Variants in NFAT5 observed in about 807,000 individuals in gnomAD.
NFAT5 encodes the protein nuclear factor of activated T cells 5, also known as nuclear factor of activated T-cells 5.
Under a neutral mutation model 166.5 loss-of-function variants are expected in NFAT5, and 31 were observed. The ratio of observed to expected loss-of-function variants is 0.19; its 90% CI spans 0.14 to 0.25. NFAT5 has a LOEUF of 0.25. Ranked by LOEUF, NFAT5 falls within the 10% of genes least tolerant of loss-of-function variation. The pLI is 1.00. For missense variants in NFAT5, 1,449 were observed against 1,821.8 expected (o/e 0.80, Z 3.72); for synonymous variants, 612 against 639.7 (o/e 0.96, Z 0.65).
chr16:69,661,775 A>C, intron 7 of NFAT5, among the ~76,000 whole-genome samples: 1 of 152,178 alleles, frequency 6.6e-6, no homozygotes, highest in Non-Finnish European at 1.5e-5. Context: ...GGAAAACTTC[A>C]TAGTTAATTC....
intron 2 of NFAT5, among the ~76,000 whole-genome samples, chr16:69,600,793 C>CT (rs2033093605): frequency 7.4e-6 from 1 of 135,522 alleles, no homozygotes; most frequent in African/African-American, 2.7e-5. Context: ...TCCTGAGCTA[C>CT]TTTGAGGAAG....
rs143933855 is a variant in NFAT5 at position 69,658,804 on chromosome 16, G to A, written c.1197-923G>A. On this transcript the variant is annotated intron_variant, in intron 6 of 14. Coordinates refer to ENST00000349945, the MANE Select transcript of NFAT5 (RefSeq NM_138713.4). ...GTAGCGCCATTGCGCTCAGGCCTGG[G>A]TGACAGAGCGAGACTCTGTCTCAAA... Among the ~76,000 whole-genome samples the A allele has an allele frequency of 6.6e-3, 1,000 of 152,188 alleles. 12 individuals are homozygous for A. The highest frequency in any genetic ancestry group is 0.022 in the African/African-American group (927 of 41,538).
At chr16:69,580,996 T>C (rs1381928084) in intron 2 of NFAT5, among the ~76,000 whole-genome samples, 1 of 152,184 alleles carries the variant, frequency 6.6e-6, no homozygotes, top group African/African-American at 2.4e-5. Context: ...TTATATTTCT[T>C]AAAAAAATTG....
At chr16:69,581,402 C>T (rs1567516056) in intron 2 of NFAT5, among the ~76,000 whole-genome samples, 2 of 152,128 alleles carry the variant, frequency 1.3e-5, no homozygotes, top group African/African-American at 4.8e-5. Context: ...TGTGAACATT[C>T]ATGTACAAGT....
At chr16:69,663,363 C>G (rs984630279) in intron 7 of NFAT5, among the ~76,000 whole-genome samples, 2 of 152,074 alleles carry the variant, frequency 1.3e-5, no homozygotes, top group African/African-American at 4.8e-5. Context: ...TTCATGTTCT[C>G]CAGACAATAT....
rs943853973 is a variant in NFAT5, at chr16:69,698,122, C to T, written c.*1771C>T. The T allele has an allele frequency of 3.3e-5, 5 of 152,112 alleles. No homozygotes were observed. Among genetic ancestry groups the T allele is most frequent in the Non-Finnish European group, 7.4e-5 (5 of 67,962 alleles). The allele number at this position is 152,112 out of a possible 1,614,324, so 9.4% of individuals were successfully genotyped here. A position where few individuals can be genotyped will look rare whatever the true frequency, so the allele number is the denominator to read the frequency against. On this transcript the variant is annotated 3_prime_UTR_variant, in exon 15 of 15. Transcript: ENST00000349945. The stretch of plus-strand genomic sequence containing the variant: ...ATGTTTTCTTCCCTCCACCTCCACC[C>T]CTTTCTTTCTTTCTCTCTCTGATTG...
chr16:69,567,862 C>T (rs1262768185), intron 1 of NFAT5, among the ~76,000 whole-genome samples: 1 of 152,008 alleles, frequency 6.6e-6, no homozygotes, highest in African/African-American at 2.4e-5. Flanking sequence ...TAAAAATAGC[C>T]AAGACATTAA....
At chr16:69,669,873 C>T (rs2036554885) in intron 7 of NFAT5, 104 bp from the exon 8 acceptor site, 1 of 955,926 alleles carries the variant, frequency 1.0e-6, no homozygotes, top group Admixed American at 3.1e-5. Context: ...TATTACTCCT[C>T]CTTCAATAAA....
At chr16:69,640,266 G>A (rs895343062) in intron 3 of NFAT5, among the ~76,000 whole-genome samples, 8 of 152,106 alleles carry the variant, frequency 5.3e-5, no homozygotes, top group African/African-American at 1.7e-4. Flanking sequence ...GGTCGGTCTC[G>A]TTTTCAGACT....
chr16:69,682,191 T>A (rs971999987), intron 10 of NFAT5, among the ~76,000 whole-genome samples: 2 of 152,044 alleles, frequency 1.3e-5, no homozygotes, highest in Non-Finnish European at 1.5e-5. Context: ...TTTTAATTTT[T>A]TTTTTTTTTT....
At chr16:69,571,905 G>A (rs925155367) in intron 2 of NFAT5, among the ~76,000 whole-genome samples, 1 of 151,972 alleles carries the variant, frequency 6.6e-6, no homozygotes, top group Non-Finnish European at 1.5e-5. Context: ...GACTACAGGC[G>A]ACTGCCACCA....
chr16:69,648,159 A>T, intron 4 of NFAT5: 2 of 949,010 alleles, frequency 2.1e-6, no homozygotes, highest in Non-Finnish European at 2.5e-6. Context: ...CTGGGCGACA[A>T]GAGCGAAACT....
chr16:69,666,121 A>G (rs1402274079), intron 7 of NFAT5, among the ~76,000 whole-genome samples: 1 of 96,010 alleles, frequency 1.0e-5, no homozygotes, highest in Non-Finnish European at 2.0e-5. Context: ...AGCCATATGT[A>G]GAAAGCTGAA....
At chr16:69,673,115 A>C (rs1226994545) in intron 9 of NFAT5, among the ~76,000 whole-genome samples, 3 of 152,200 alleles carry the variant, frequency 2.0e-5, no homozygotes, top group African/African-American at 4.8e-5. Flanking sequence ...TAGGTTAAAG[A>C]ATAATAATCA....
At chr16:69,689,215 T>G (rs1393554648) in intron 11 of NFAT5, among the ~76,000 whole-genome samples, 1 of 152,142 alleles carries the variant, frequency 6.6e-6, no homozygotes, top group Admixed American at 6.6e-5. Flanking sequence ...AGGTGGAGGT[T>G]GCAGTGAGGC....
rs1184969499 is a variant in NFAT5 at position 69,703,157 on chromosome 16, C to A, written c.*6806C>A. The A allele has an allele frequency of 6.6e-6, 1 of 152,588 alleles. No homozygotes were observed. Among genetic ancestry groups the A allele is most frequent in the African/African-American group, 2.4e-5 (1 of 41,436 alleles). 9.5% of individuals were successfully genotyped at this position (152,588 alleles called of 1,614,324 possible). A position where few individuals can be genotyped will look rare whatever the true frequency, so the allele number is the denominator to read the frequency against. On this transcript the variant is annotated 3_prime_UTR_variant, in exon 15 of 15. Coordinates refer to ENST00000349945, the MANE Select transcript of NFAT5 (RefSeq NM_138713.4). Reference sequence around the variant, plus strand: ...GACCACAGTTTTGCCCTGGCTAGACCAACCCTCAGAACAAAATCATCATTC... The same window carrying A: ...GACCACAGTTTTGCCCTGGCTAGACAAACCCTCAGAACAAAATCATCATTC...
chr16:69,659,028 C>G (rs2036011157), intron 6 of NFAT5, among the ~76,000 whole-genome samples: 1 of 152,010 alleles, frequency 6.6e-6, no homozygotes, highest in Non-Finnish European at 1.5e-5. Context: ...GGCTATTATT[C>G]TATCCTTCTG....
intron 7 of NFAT5, among the ~76,000 whole-genome samples, chr16:69,668,921 T>C (rs2036512983): frequency 6.6e-6 from 1 of 152,094 alleles, no homozygotes; most frequent in Admixed American, 6.6e-5. Context: ...ATCCTTTTCT[T>C]ATATTTCTTC....
At chr16:69,628,675 GAGTATATTACC>G (rs1567554045) in intron 3 of NFAT5, among the ~76,000 whole-genome samples, 1 of 152,130 alleles carries the variant, frequency 6.6e-6, no homozygotes. Flanking sequence ...GAGTTACTTG[GAGTATATTACC>G]AAGTTACTCA....
Sources: allele counts gnomAD v4.1 joint callset (sites outside exome capture counted in the v4.1 genomes callset), GRCh38; gene constraint gnomAD v4.1.1; transcripts MANE v1.5; gene names NCBI Gene and HGNC (gene_info 2026-07-23, HGNC 2026-07-21).